The following ADAMTS6 variants were observed in gnomAD, a reference collection of about 807,000 sequenced individuals.
ADAMTS6 encodes the protein ADAM metallopeptidase with thrombospondin type 1 motif 6.
In ADAMTS6, 23 loss-of-function variants were observed where a neutral mutation model predicts 144.3. The ratio of observed to expected loss-of-function variants is 0.16; its 90% CI spans 0.11 to 0.23. The LOEUF (loss-of-function observed/expected upper bound fraction) is 0.23. Ranked by LOEUF, ADAMTS6 falls within the 10% of genes least tolerant of loss-of-function variation. The probability of loss-of-function intolerance (pLI) is 1.00; values close to 1 mark genes in which losing one functional copy is unlikely to be tolerated. For missense variants in ADAMTS6, 999 were observed against 1,379.6 expected, an observed-to-expected ratio of 0.72 and a Z score of 4.37; for synonymous variants, 444 against 457.5, an observed-to-expected ratio of 0.97 and a Z score of 0.38.
intron 4 of ADAMTS6, 40 bp downstream of exon 4, chr5:65,460,130 C>A: frequency 6.2e-7 from 1 of 1,601,432 alleles, no homozygotes; most frequent in Non-Finnish European, 8.5e-7. Context: ...AAGCAGCAAT[C>A]CAGTACAATA....
chr5:65,179,952 GCACGCGCA>G (rs920513264), intron 22 of ADAMTS6, among the ~76,000 whole-genome samples: 15 of 83,686 alleles, frequency 1.8e-4, no homozygotes, highest in African/African-American at 3.1e-4. Context: ...ACATGTGCAC[GCACGCGCA>G]CACACACACA....
intron 10 of ADAMTS6, among the ~76,000 whole-genome samples, chr5:65,298,228 C>A (rs1008021974): frequency 6.6e-6 from 1 of 151,896 alleles, no homozygotes; most frequent in African/African-American, 2.4e-5. Flanking sequence ...AGAGATGGTA[C>A]TAGCAAATGA....
intron 22 of ADAMTS6, among the ~76,000 whole-genome samples, chr5:65,173,820 C>G (rs112408822): frequency 0.091 from 13,884 of 152,044 alleles, 767 homozygotes; most frequent in Non-Finnish European, 0.12. Context: ...GTCAAGAGAT[C>G]AAGACCATCC....
chr5:65,451,631 A>G lies in ADAMTS6; in HGVS notation c.928-11T>C. 1 of 1,612,158 alleles carries G rather than the reference A, an allele frequency of 6.2e-7. No individual in the cohort carries two copies. Among genetic ancestry groups the G allele is most frequent in the Non-Finnish European group, 8.5e-7 (1 of 1,179,252 alleles). ...TATCTCCAAGTTTGGCTGCAATACA[A>G]CATGCATACCAGAAATGTTCCAAAC... On this transcript the variant is annotated splice_polypyrimidine_tract_variant and intron_variant, in intron 6 of 24. Transcript: ENST00000381055.
intron 7 of ADAMTS6, among the ~76,000 whole-genome samples, chr5:65,398,776 G>A (rs1753583349): frequency 1.8e-4 from 19 of 104,450 alleles, no homozygotes; most frequent in African/African-American, 6.7e-4. Context: ...AGAAAGAAGA[G>A]AGAGCAAGAA....
chr5:65,459,167 C>T (rs987136770), intron 4 of ADAMTS6, among the ~76,000 whole-genome samples: 2 of 152,024 alleles, frequency 1.3e-5, no homozygotes, highest in East Asian at 1.9e-4. Context: ...TGTGAGCCAC[C>T]GCGCCCGGCC....
Position 65,402,367 on chromosome 5 carries a change from G to A in ADAMTS6, c.1073+49108C>T, listed in dbSNP as rs577828758. ...ACTGAAGACAAAATATAACCATGCTGACTGATTTCACTTTAAAATCAACAA... is the reference window on the plus strand; with the variant it reads ...ACTGAAGACAAAATATAACCATGCTAACTGATTTCACTTTAAAATCAACAA... On this transcript the variant is annotated intron_variant, in intron 7 of 24. Coordinates refer to ENST00000381055, the MANE Select transcript of ADAMTS6 (RefSeq NM_197941.4). Among the ~76,000 whole-genome samples the A allele has an allele frequency of 5.9e-5, 9 of 152,150 alleles. No individual in the cohort carries two copies. The East Asian group carries it at 1.7e-3, about 29-fold the overall frequency.
chr5:65,447,939 T>C (rs79058335), intron 7 of ADAMTS6, among the ~76,000 whole-genome samples: 8 of 150,912 alleles, frequency 5.3e-5, no homozygotes, highest in African/African-American at 9.7e-5. Context: ...AGATGTCAGA[T>C]AGTTAATACA....
intron 3 of ADAMTS6, among the ~76,000 whole-genome samples, chr5:65,463,195 A>G (rs964101057): frequency 1.3e-5 from 2 of 152,130 alleles, no homozygotes; most frequent in African/African-American, 4.8e-5. Flanking sequence ...GAAGTGAGAG[A>G]ATTATACAAA....
Position 65,319,744 on chromosome 5 carries a change from GGAAGGAAGGAAGGAA to G in ADAMTS6, c.1223+9619_1223+9633del, listed in dbSNP as rs1561418738. On this transcript the variant is annotated intron_variant, in intron 9 of 24. Transcript: ENST00000381055. ...GGGAGGGAGGGAGGGAGGGAGGGAA[GGAAGGAAGGAAGGAA>G]GGAAGGAAGGAAGGAAGGAAGGAAG... 2.6e-4 allele frequency among the ~76,000 whole-genome samples: 11 copies of G among 41,570 alleles called. 1 individual carries two copies. Among genetic ancestry groups the G allele is most frequent in the African/African-American group, 1.3e-3 (11 of 8,504 alleles). 27.3% of individuals were successfully genotyped at this position (41,570 alleles called of 152,430 possible).
rs777858737 is a variant in ADAMTS6 at position 65,215,316 on chromosome 5, G to T, written c.2436+8C>A. The T allele has an allele frequency of 8.7e-6, 14 of 1,611,962 alleles. No individual in the cohort carries two copies. Among genetic ancestry groups the T allele is most frequent in the African/African-American group, 1.3e-5 (1 of 74,904 alleles). On this transcript the variant is annotated splice_region_variant and intron_variant, in intron 19 of 24. Coordinates refer to ENST00000381055, the MANE Select transcript of ADAMTS6 (RefSeq NM_197941.4). The stretch of plus-strand genomic sequence containing the variant: ...ACAGAAGAAATACAATGGCAAAGAC[G>T]CATTTACCATGACGATGAGATTTTC...
chr5:65,176,710 AC>A (rs1403716870), intron 22 of ADAMTS6, among the ~76,000 whole-genome samples: 2 of 152,248 alleles, frequency 1.3e-5, no homozygotes, highest in Non-Finnish European at 2.9e-5. Flanking sequence ...ATAAATGTCT[AC>A]AAAGTTTATT....
At chr5:65,370,344 T>C (rs893348367) in intron 7 of ADAMTS6, among the ~76,000 whole-genome samples, 2 of 152,200 alleles carry the variant, frequency 1.3e-5, no homozygotes, top group African/African-American at 2.4e-5. Flanking sequence ...GGGTGATTTC[T>C]GCATTTCCAT....
At chr5:65,454,237 C>G (rs1326415852) in intron 4 of ADAMTS6, among the ~76,000 whole-genome samples, 1 of 152,180 alleles carries the variant, frequency 6.6e-6, no homozygotes, top group African/African-American at 2.4e-5. Flanking sequence ...AGTAAACTTT[C>G]ATTGTTCTTA....
chr5:65,368,835 A>G (rs1750552543), intron 7 of ADAMTS6, among the ~76,000 whole-genome samples: 2 of 152,126 alleles, frequency 1.3e-5, no homozygotes, highest in African/African-American at 4.8e-5. Context: ...CGGGTGTATT[A>G]CTTGAGGTGA....
intron 3 of ADAMTS6, among the ~76,000 whole-genome samples, chr5:65,468,308 A>AT (rs925631818): frequency 1.3e-5 from 2 of 152,100 alleles, no homozygotes; most frequent in African/African-American, 2.4e-5. Flanking sequence ...GAAAAGTAGA[A>AT]TTTTTTAAAA....
chr5:65,291,389 A>G lies in ADAMTS6; in HGVS notation c.1452T>C (p.Tyr484=). ...GGAAACGACATTGCTCATCAGCATC[A>G]TACACCTGACCTGGGGCCACAGCTG... The part of the protein sequence containing the change: ...LYPAVAPGQV[Y]DADEQCRFQY... The change falls in exon 11 of 25, where the codon TAT becomes TAC. Residue 484 remains tyrosine (Y), a synonymous_variant. Coordinates refer to ENST00000381055, the MANE Select transcript of ADAMTS6 (RefSeq NM_197941.4). 4.3e-6 allele frequency: 7 copies of G among 1,614,072 alleles called. No individual in the cohort carries two copies. Among genetic ancestry groups the G allele is most frequent in the Non-Finnish European group, 5.9e-6 (7 of 1,179,954 alleles).
intron 7 of ADAMTS6, among the ~76,000 whole-genome samples, chr5:65,433,892 A>G (rs1196574933): frequency 1.3e-5 from 2 of 152,192 alleles, no homozygotes; most frequent in Non-Finnish European, 2.9e-5. Flanking sequence ...TGGGCCAGCA[A>G]TTCTACCCCT....
chr5:65,234,076 T>A (rs1758472197), intron 15 of ADAMTS6, among the ~76,000 whole-genome samples: 1 of 132,920 alleles, frequency 7.5e-6, no homozygotes, highest in Non-Finnish European at 1.6e-5. Context: ...GATGGTCACG[T>A]GCAAAAAAAA....
Sources: allele counts gnomAD v4.1 joint callset (sites outside exome capture counted in the v4.1 genomes callset), GRCh38; gene constraint gnomAD v4.1.1; transcripts MANE v1.5; gene names NCBI Gene and HGNC (gene_info 2026-07-23, HGNC 2026-07-21).